DOCK8: variants seen among roughly 807,000 people sequenced by gnomAD.
The protein encoded by DOCK8 is dedicator of cytokinesis 8, also known as dedicator of cytokinesis protein 8.
A neutral mutation model predicts 245.6 loss-of-function variants in DOCK8; 141 were observed. The observed-to-expected ratio is 0.57, with a 90% confidence interval of 0.50 to 0.66. The LOEUF is 0.66. Among genes scored for constraint, DOCK8 ranks in the 30% least tolerant of loss-of-function variants. DOCK8 has a pLI of 0.00. For synonymous variants in DOCK8, 1,168 were observed against 970.2 expected (o/e 1.20, Z -3.79); for missense variants, 2,965 against 2,603.4 (o/e 1.14, Z -3.02).
intron 29 of DOCK8, among the ~76,000 whole-genome samples, chr9:415,979 C>T (rs141058824): frequency 1.3e-4 from 20 of 152,144 alleles, no homozygotes; most frequent in Non-Finnish European, 2.5e-4. Flanking sequence ...GACCAAACGC[C>T]TATAGTCTTT....
At chr9:386,526 C>A in intron 23 of DOCK8, 100 bp downstream of exon 23, 1 of 1,000,950 alleles carries the variant, frequency 1.0e-6, no homozygotes, top group Non-Finnish European at 1.5e-6. Context: ...TGCTCCCCTG[C>A]CTGTCCCTGA....
At chr9:304,727 G>A (rs747999846) in intron 5 of DOCK8, 23 bp downstream of exon 5, 1 of 1,614,018 alleles carries the variant, frequency 6.2e-7, no homozygotes, top group Non-Finnish European at 8.5e-7. Flanking sequence ...AACAAACATG[G>A]TTACCAGGTT....
chr9:265,186 C>T (rs970127048), intron 1 of DOCK8, among the ~76,000 whole-genome samples: 2 of 152,212 alleles, frequency 1.3e-5, no homozygotes, highest in South Asian at 4.1e-4. Context: ...CCCGCCTTGG[C>T]CTCCCAAAGT....
chr9:391,959 C>G (rs924784260), intron 24 of DOCK8, among the ~76,000 whole-genome samples: 6 of 150,474 alleles, frequency 4.0e-5, no homozygotes, highest in African/African-American at 1.2e-4. Flanking sequence ...GCCAACGTGA[C>G]AAAACCCATC....
In DOCK8 at chr9:449,714, A is replaced by T; in HGVS notation, c.5818-70A>T. The T allele has an allele frequency of 1.9e-6, 3 of 1,608,438 alleles. No individual in the cohort carries two copies. The Admixed American group carries it at 5.0e-5, about 27-fold the overall frequency. On this transcript the variant is annotated intron_variant, in intron 44 of 47. Coordinates refer to ENST00000432829, the MANE Select transcript of DOCK8 (RefSeq NM_203447.4). Reference sequence around the variant, plus strand: ...TTCAAATTCAGGTGGCCTCTCTGTCATAGCTCCAGGCTTGTCCATAGCTTA... The same window carrying T: ...TTCAAATTCAGGTGGCCTCTCTGTCTTAGCTCCAGGCTTGTCCATAGCTTA...
chr9:446,253 T>G (rs2057254006), intron 43 of DOCK8, 117 bp from the exon 44 acceptor site: 8 of 868,866 alleles, frequency 9.2e-6, no homozygotes, highest in Admixed American at 5.1e-5. Context: ...TCTGTAGCTT[T>G]TCTGCACTGG....
intron 39 of DOCK8, 93 bp from the exon 40 acceptor site, chr9:439,152 C>T (rs1235683476): frequency 6.5e-7 from 1 of 1,528,306 alleles, no homozygotes; most frequent in South Asian, 1.1e-5. Flanking sequence ...AGGATCTGCA[C>T]ACCAGCTTCC....
intron 18 of DOCK8, among the ~76,000 whole-genome samples, chr9:374,506 G>C (rs2053439987): frequency 8.0e-6 from 1 of 124,560 alleles, no homozygotes; most frequent in Non-Finnish European, 1.6e-5. Context: ...CTGTCACTCA[G>C]GCTGGAGTGC....
chr9:345,675 C>T (rs539160097), intron 14 of DOCK8, among the ~76,000 whole-genome samples: 22 of 152,298 alleles, frequency 1.4e-4, no homozygotes, highest in African/African-American at 4.3e-4. Flanking sequence ...CAGTCCCCAG[C>T]CTCACCTTCC....
chr9:422,339 A>G (rs1020132103), intron 33 of DOCK8, among the ~76,000 whole-genome samples: 1 of 152,190 alleles, frequency 6.6e-6, no homozygotes, highest in African/African-American at 2.4e-5. Context: ...AATTTGTCAC[A>G]TTGATAAGCA....
At chr9:442,359 G>A (rs2057119748) in intron 42 of DOCK8, among the ~76,000 whole-genome samples, 1 of 152,172 alleles carries the variant, frequency 6.6e-6, no homozygotes, top group Non-Finnish European at 1.5e-5. Context: ...ATAGAGAGTA[G>A]TAGAGTTTTT....
At chr9:377,236 G>T in intron 20 of DOCK8, 25 bp downstream of exon 20, 1 of 1,541,258 alleles carries the variant, frequency 6.5e-7, no homozygotes, top group Non-Finnish European at 8.7e-7. Context: ...GGCTGGGCTG[G>T]GAGGAGGCAG....
chr9:427,710 C>G (rs1564056068), intron 34 of DOCK8, among the ~76,000 whole-genome samples: 1 of 152,152 alleles, frequency 6.6e-6, no homozygotes, highest in Non-Finnish European at 1.5e-5. Flanking sequence ...TCTTAATTCT[C>G]TAACTTTTGA....
At chr9:349,094 G>A (rs2052036915) in intron 14 of DOCK8, among the ~76,000 whole-genome samples, 1 of 152,164 alleles carries the variant, frequency 6.6e-6, no homozygotes, top group South Asian at 2.1e-4. Context: ...GCTGTGTCAG[G>A]GTTTCCCAAG....
chr9:311,214 G>C (rs1269451272), intron 5 of DOCK8, among the ~76,000 whole-genome samples: 1 of 151,914 alleles, frequency 6.6e-6, no homozygotes, highest in Non-Finnish European at 1.5e-5. Flanking sequence ...GAACCTGGGA[G>C]GCGGAGGTTG....
rs536418218 is a variant in DOCK8, at chr9:221,795, C to G, written c.53+6766C>G. ...CGAGATCGCACCACTGCACTCCAGC[C>G]TGGGTGACAGAGTGAGACTCTGTCT... On this transcript the variant is annotated intron_variant, in intron 1 of 47. Transcript: ENST00000432829. Among the ~76,000 whole-genome samples, 14 of 151,518 alleles carry G rather than the reference C, an allele frequency of 9.2e-5. No individual in the cohort carries two copies. The East Asian group carries it at 2.5e-3, about 27-fold the overall frequency.
intron 14 of DOCK8, among the ~76,000 whole-genome samples, chr9:349,955 G>A (rs982072569): frequency 7.9e-5 from 12 of 151,864 alleles, no homozygotes; most frequent in East Asian, 1.9e-4. Context: ...TTCTCCCTCC[G>A]CCGCCCTCCA....
intron 37 of DOCK8, 56 bp downstream of exon 37, chr9:432,380 GTGTATGTA>G: frequency 6.5e-7 from 1 of 1,530,620 alleles, no homozygotes; most frequent in South Asian, 1.1e-5. Flanking sequence ...GCCAACTATT[GTGTATGTA>G]TGTATGTACA....
intron 12 of DOCK8, 83 bp from the exon 13 acceptor site, chr9:338,923 G>A (rs920424549): frequency 8.7e-7 from 1 of 1,155,218 alleles, no homozygotes; most frequent in Non-Finnish European, 1.3e-6. Flanking sequence ...AAACTTAAAG[G>A]TAAAAATCTT....
Sources: allele counts gnomAD v4.1 joint callset (sites outside exome capture counted in the v4.1 genomes callset), GRCh38; gene constraint gnomAD v4.1.1; transcripts MANE v1.5; gene names NCBI Gene and HGNC (gene_info 2026-07-23, HGNC 2026-07-21).